The following SERPINA9 variants were observed in gnomAD, a reference collection of about 807,000 sequenced individuals.
SERPINA9 encodes serpin A9.
A neutral mutation model predicts 24.5 loss-of-function variants in SERPINA9; 32 were observed. The observed-to-expected ratio is 1.30, with a 90% CI of 0.98 to 1.75. The LOEUF is 1.75. Among genes scored for constraint, SERPINA9 ranks in the 40% most tolerant of loss-of-function variants. SERPINA9 has a pLI of 0.00. For synonymous variants in SERPINA9, 233 were observed against 197.7 expected (o/e 1.18, Z -1.50); for missense variants, 594 against 497.1 (o/e 1.19, Z -1.85).
Position 94,467,130 on chromosome 14 carries a change from C to G in SERPINA9, c.881G>C (p.Trp294Ser). 1.2e-6 allele frequency: 2 copies of G among 1,614,064 alleles called. No individual in the cohort carries two copies. The highest frequency in any genetic ancestry group is 1.7e-6 in the Non-Finnish European group (2 of 1,179,960). Residue 294 changes from tryptophan (W) to serine (S), a missense_variant, in exon 3 of 5, where the codon TGG becomes TCG. Coordinates refer to ENST00000674397, the MANE Select transcript of SERPINA9 (RefSeq NM_175739.4). ...QALSARTLRK[W>S]SHSLQKRWIE... ...CCACCTTTTCTGGAGTGAGTGGCTC[C>G]ACTTTCTCAGTGTTCTGGCTGACAA... is the stretch of plus-strand genomic sequence containing the variant.
intron 4 of SERPINA9, 152 bp downstream of exon 4, chr14:94,464,555 C>T (rs1323229945): frequency 1.6e-6 from 1 of 634,964 alleles, no homozygotes; most frequent in Non-Finnish European, 2.7e-6. Flanking sequence ...GGATGGTGGC[C>T]ATAGGCCGCA....
intron 1 of SERPINA9, among the ~76,000 whole-genome samples, chr14:94,475,004 G>GCA (rs982726565): frequency 1.3e-5 from 2 of 152,082 alleles, no homozygotes; most frequent in African/African-American, 2.4e-5. Context: ...CTCCCCAGCT[G>GCA]CATCTTTGAG....
At chr14:94,470,012 C>G in intron 1 of SERPINA9, 155 bp from the exon 2 acceptor site, 1 of 676,636 alleles carries the variant, frequency 1.5e-6, no homozygotes, top group Non-Finnish European at 2.3e-6. Flanking sequence ...TCACAATATT[C>G]CCATGATGTA....
intron 1 of SERPINA9, 34 bp downstream of exon 1, chr14:94,476,102 A>T (rs552950576): frequency 1.9e-6 from 3 of 1,613,882 alleles, no homozygotes; most frequent in Middle Eastern, 1.6e-4. Flanking sequence ...GTGACACCAC[A>T]TTCCCGATCT....
Position 94,469,837 on chromosome 14 carries a change from C to G in SERPINA9, c.4G>C (p.Ala2Pro). Residue 2 changes from alanine to proline, a missense_variant, in exon 2 of 5, where the codon GCA becomes CCA. Ala to Pro is a conservative substitution (Grantham distance 27). Coordinates refer to ENST00000674397, the MANE Select transcript of SERPINA9 (RefSeq NM_175739.4). ...AAGAGTACTCCATAAAGGTAAGATGCCATTTTGGAACAAAATATGTCTGCA... is the reference window on the plus strand; with the variant it reads ...AAGAGTACTCCATAAAGGTAAGATGGCATTTTGGAACAAAATATGTCTGCA... M[A>P]SYLYGVLFAV... 1 of 1,506,818 alleles carries G rather than the reference C, an allele frequency of 6.6e-7. No individual in the cohort carries two copies. Among genetic ancestry groups the G allele is most frequent in the Non-Finnish European group, 8.9e-7 (1 of 1,128,004 alleles). The allele number at this position is 1,506,818 out of a possible 1,614,324, so 93.3% of individuals were successfully genotyped here.
rs992267451 is a variant in SERPINA9 at position 94,467,534 on chromosome 14, C to T, written c.629-152G>A. ...CTGATATTACACAGCGGAGTAGTTG[C>T]CCAAACTTGTGAATATACTAAAAAG... On this transcript the variant is annotated intron_variant, in intron 2 of 4. Transcript: ENST00000674397. The T allele has an allele frequency of 1.4e-5, 9 of 632,800 alleles. No homozygotes were observed. In the Admixed American group the frequency reaches 2.7e-4, roughly 19 times the overall value. 39.2% of individuals were successfully genotyped at this position (632,800 alleles called of 1,614,324 possible).
chr14:94,471,028 C>T (rs1899288935), intron 1 of SERPINA9, among the ~76,000 whole-genome samples: 1 of 152,124 alleles, frequency 6.6e-6, no homozygotes, highest in Admixed American at 6.5e-5. Flanking sequence ...GTGTGTGCTC[C>T]AATAGGTCAC....
intron 1 of SERPINA9, chr14:94,475,774 T>C (rs575828297): frequency 2.9e-6 from 1 of 342,686 alleles, no homozygotes; most frequent in African/African-American, 2.1e-5. Flanking sequence ...CAAGTCTTGC[T>C]CGTTAAGACA....
chr14:94,466,832 C>T (rs1363412934), intron 3 of SERPINA9, among the ~76,000 whole-genome samples: 1 of 152,204 alleles, frequency 6.6e-6, no homozygotes, highest in Non-Finnish European at 1.5e-5. Context: ...GCCAGCTCTG[C>T]AAGCATATAA....
chr14:94,467,938 TGG>T (rs1899095708), intron 2 of SERPINA9, among the ~76,000 whole-genome samples: 2 of 150,562 alleles, frequency 1.3e-5, no homozygotes, highest in African/African-American at 2.4e-5. Flanking sequence ...GATGGATGGA[TGG>T]ATGGATAGAT....
At position 94,462,776 on chromosome 14, in the gene SERPINA9, T is replaced by C. The variant is rs1346594063; in HGVS notation, c.*317A>G. On this transcript the variant is annotated 3_prime_UTR_variant, in exon 5 of 5. Transcript: ENST00000674397. ...TGAATGTGTTATTGTAATTCTGCAA[T>C]AGAGGTGCCTAACCTGGGTTGGCGT... is the stretch of plus-strand genomic sequence containing the variant. The C allele has an allele frequency of 5.8e-6, 2 of 345,456 alleles. No individual in the cohort carries two copies. Among genetic ancestry groups the C allele is most frequent in the East Asian group, 1.3e-4 (2 of 15,042 alleles). 21.4% of individuals were successfully genotyped at this position (345,456 alleles called of 1,614,324 possible). A position where few individuals can be genotyped will look rare whatever the true frequency, so the allele number is the denominator to read the frequency against.
At chr14:94,475,793 A>G (rs563627167) in intron 1 of SERPINA9, 3 of 397,938 alleles carry the variant, frequency 7.5e-6, no homozygotes, top group South Asian at 5.1e-5. Context: ...CAAAGAAACC[A>G]ACAACGACAC....
At position 94,469,221 on chromosome 14, in the gene SERPINA9, A is replaced by G; in HGVS notation, c.620T>C (p.Phe207Ser). 6.2e-6 allele frequency: 10 copies of G among 1,608,782 alleles called. No homozygotes were observed. The highest frequency in any genetic ancestry group is 8.5e-6 in the Non-Finnish European group (10 of 1,177,470). The change falls in exon 2 of 5, where the codon TTC (phenylalanine) becomes TCC (serine). Residue 207 changes from phenylalanine (F) to serine (S), a missense_variant. Phe to Ser is a radical substitution (Grantham distance 155). Coordinates refer to ENST00000674397, the MANE Select transcript of SERPINA9 (RefSeq NM_175739.4). ...LTAMVLVNHI[F>S]FKAKWEKPFH... ...ACTTCTCAAATCCTTACCTTTAAAGAAAATGTGGTTCACCAGAACCATGGC... is the reference window on the plus strand; with the variant it reads ...ACTTCTCAAATCCTTACCTTTAAAGGAAATGTGGTTCACCAGAACCATGGC...
intron 1 of SERPINA9, among the ~76,000 whole-genome samples, chr14:94,475,675 T>C (rs2139829597): frequency 1.3e-5 from 2 of 152,160 alleles, no homozygotes; most frequent in East Asian, 1.9e-4. Flanking sequence ...AAGTATCTCT[T>C]CTCTCCATCT....
chr14:94,469,208 C>T lies in SERPINA9; in HGVS notation c.628+5G>A, dbSNP rs754311354. On this transcript the variant is annotated splice_donor_5th_base_variant and intron_variant, in intron 2 of 4. Transcript: ENST00000674397. ...TAAATAAAAATCAACTTCTCAAATC[C>T]TTACCTTTAAAGAAAATGTGGTTCA... is the stretch of plus-strand genomic sequence containing the variant. 2 of 1,604,508 alleles carry T rather than the reference C, an allele frequency of 1.2e-6. No individual in the cohort carries two copies. The highest frequency in any genetic ancestry group is 2.2e-5 in the South Asian group (2 of 89,614).
At chr14:94,474,497 T>C (rs1480558359) in intron 1 of SERPINA9, among the ~76,000 whole-genome samples, 1 of 152,190 alleles carries the variant, frequency 6.6e-6, no homozygotes, top group East Asian at 1.9e-4. Context: ...CTGGGATCTA[T>C]GTCTGAGGGC....
intron 2 of SERPINA9, among the ~76,000 whole-genome samples, chr14:94,468,097 G>C (rs1899105353): frequency 6.6e-6 from 1 of 151,970 alleles, no homozygotes; most frequent in South Asian, 2.1e-4. Flanking sequence ...AATGACAGAT[G>C]GATAAATGGG....
At chr14:94,475,539 A>G (rs1899565469) in intron 1 of SERPINA9, among the ~76,000 whole-genome samples, 1 of 152,058 alleles carries the variant, frequency 6.6e-6, no homozygotes, top group African/African-American at 2.4e-5. Context: ...CTTCCCTCAA[A>G]GGGCATCCTC....
chr14:94,463,433 G>A (rs1048083577), intron 4 of SERPINA9, 137 bp from the exon 5 acceptor site: 5 of 723,018 alleles, frequency 6.9e-6, no homozygotes, highest in Admixed American at 4.8e-5. Flanking sequence ...CCTGGCATTG[G>A]GTTTACTCAA....
Sources: gnomAD v4.1 joint callset for allele counts (sites outside exome capture counted in the v4.1 genomes callset) on GRCh38, gnomAD v4.1.1 for gene constraint, MANE v1.5 for transcripts, NCBI Gene and HGNC (gene_info 2026-07-23, HGNC 2026-07-21) for gene names.